CNOT6: variants seen among roughly 807,000 people sequenced by gnomAD.
The protein encoded by CNOT6 is carbon catabolite repression 4 protein.
CNOT6 carries 12 observed loss-of-function variants against 61.2 expected under a neutral mutation model. That is an observed-to-expected ratio of 0.20 (90% CI 0.13 to 0.32). The LOEUF (loss-of-function observed/expected upper bound fraction) is 0.32. CNOT6 is among the 10% of genes least tolerant of loss of function. The pLI is 1.00. For synonymous variants in CNOT6, 225 were observed against 240.6 expected, an observed-to-expected ratio of 0.94 and a Z score of 0.60; for missense variants, 405 against 663.9, an observed-to-expected ratio of 0.61 and a Z score of 4.28.
At chr5:180,538,686 GTATATA>G (rs59342527) in intron 2 of CNOT6, among the ~76,000 whole-genome samples, 1,275 of 85,132 alleles carry the variant, frequency 0.015, 26 homozygotes, top group African/African-American at 0.04. Flanking sequence ...TGAGAAAAAG[GTATATA>G]TATATATATA....
chr5:180,563,106 T>A (rs1210017662), intron 4 of CNOT6, among the ~76,000 whole-genome samples: 8 of 152,360 alleles, frequency 5.3e-5, no homozygotes, highest in Non-Finnish European at 1.0e-4. Context: ...TTCCCATCCA[T>A]GCAACTCAGC....
chr5:180,547,765 A>C (rs1347490374), intron 2 of CNOT6, among the ~76,000 whole-genome samples: 1 of 151,868 alleles, frequency 6.6e-6, no homozygotes, highest in Admixed American at 6.6e-5. Flanking sequence ...CTGGAGTCTC[A>C]CTCTGTCGCC....
At chr5:180,561,727 G>A (rs572667618) in intron 4 of CNOT6, among the ~76,000 whole-genome samples, 3 of 152,272 alleles carry the variant, frequency 2.0e-5, no homozygotes, top group Non-Finnish European at 2.9e-5. Context: ...GGGGCTCCTC[G>A]TTGCTTCTGG....
In CNOT6 at chr5:180,506,154, G is replaced by T. The variant is rs555562533; in HGVS notation, c.-3+11391G>T. On this transcript the variant is annotated intron_variant, in intron 1 of 11. Coordinates refer to ENST00000261951, the MANE Select transcript of CNOT6 (RefSeq NM_001370472.1). ...GTTCAAATCCCAGCTCTACAATTCA[G>T]TTACTAAGTGTGCAATCTTGGGTAA... Among the ~76,000 whole-genome samples, 11 of 152,306 alleles carry T rather than the reference G, an allele frequency of 7.2e-5. No individual in the cohort carries two copies. In the South Asian group the frequency reaches 2.3e-3, roughly 32 times the overall value.
chr5:180,537,361 C>T (rs1038818481), intron 2 of CNOT6, among the ~76,000 whole-genome samples: 7 of 152,116 alleles, frequency 4.6e-5, no homozygotes, highest in Admixed American at 2.6e-4. Context: ...TTTTAATTTG[C>T]GGTTCTCTAA....
At chr5:180,545,670 C>G (rs1178413106) in intron 2 of CNOT6, among the ~76,000 whole-genome samples, 1 of 152,152 alleles carries the variant, frequency 6.6e-6, no homozygotes, top group Non-Finnish European at 1.5e-5. Context: ...ACAAATAAAG[C>G]TGCCGTGAAC....
Position 180,565,992 on chromosome 5 carries a change from A to G in CNOT6, c.717+15A>G, listed in dbSNP as rs1457771955. On this transcript the variant is annotated intron_variant, in intron 7 of 11. Coordinates refer to ENST00000261951, the MANE Select transcript of CNOT6 (RefSeq NM_001370472.1). ...TAAGTCTTCAGGTAAGTCAGACAGA[A>G]GACAGTCAACCTAGCATTGATAAAG... 1 of 1,607,112 alleles carries G rather than the reference A, an allele frequency of 6.2e-7. No individual in the cohort carries two copies. Among genetic ancestry groups the G allele is most frequent in the Non-Finnish European group, 8.5e-7 (1 of 1,175,898 alleles).
intron 1 of CNOT6, among the ~76,000 whole-genome samples, chr5:180,514,427 A>G (rs140707152): frequency 2.6e-5 from 4 of 152,308 alleles, no homozygotes; most frequent in African/African-American, 9.6e-5. Context: ...ATCTTCTTCA[A>G]GTCTGCTTCA....
At chr5:180,511,822 C>T (rs1037139083) in intron 1 of CNOT6, among the ~76,000 whole-genome samples, 27 of 152,138 alleles carry the variant, frequency 1.8e-4, no homozygotes, top group Admixed American at 3.3e-4. Flanking sequence ...GGTTCTCTCT[C>T]TGTTGCCCAG....
chr5:180,548,793 G>C (rs954529445), intron 2 of CNOT6, among the ~76,000 whole-genome samples: 1 of 152,130 alleles, frequency 6.6e-6, no homozygotes, highest in Non-Finnish European at 1.5e-5. Flanking sequence ...TCTCAAGGTC[G>C]CGTTTTCTTC....
intron 3 of CNOT6, among the ~76,000 whole-genome samples, chr5:180,552,402 G>A (rs1759654026): frequency 6.6e-6 from 1 of 151,930 alleles, no homozygotes; most frequent in Non-Finnish European, 1.5e-5. Context: ...CACACTTTGG[G>A]AGGCCGAGGC....
At position 180,494,458 on chromosome 5, in the gene CNOT6, C is replaced by G. The variant is rs530418723; in HGVS notation, c.-308C>G. 6.4e-6 allele frequency: 1 copy of G among 155,244 alleles called. No individual in the cohort carries two copies. Among genetic ancestry groups the G allele is most frequent in the Non-Finnish European group, 1.4e-5 (1 of 70,842 alleles). 9.6% of individuals were successfully genotyped at this position (155,244 alleles called of 1,614,324 possible). ...GGCGCGGAGGAGGAGGCGGCGGCGT[C>G]GGTGGCGGCGGCGACGGCGGCGCGG... is the stretch of plus-strand genomic sequence containing the variant. On this transcript the variant is annotated 5_prime_UTR_variant, in exon 1 of 12. Coordinates refer to ENST00000261951, the MANE Select transcript of CNOT6 (RefSeq NM_001370472.1).
At position 180,503,262 on chromosome 5, in the gene CNOT6, CT is replaced by C. The variant is rs66503357; in HGVS notation, c.-3+8516del. ...AGGTCTGACTCTAGTTTGTATTTTT[CT>C]TTTTTTTTTTTTTTTTGAGATGGAG... is the stretch of plus-strand genomic sequence containing the variant. On this transcript the variant is annotated intron_variant, in intron 1 of 11. Transcript: ENST00000261951. Among the ~76,000 whole-genome samples the C allele has an allele frequency of 2.0e-3, 272 of 133,782 alleles. 1 individual carries two copies. Among genetic ancestry groups the C allele is most frequent in the East Asian group, 3.9e-3 (18 of 4,638 alleles). 87.8% of individuals were successfully genotyped at this position (133,782 alleles called of 152,430 possible). A position where few individuals can be genotyped will look rare whatever the true frequency, so the allele number is the denominator to read the frequency against.
chr5:180,562,715 G>A (rs1760249315), intron 4 of CNOT6, among the ~76,000 whole-genome samples: 1 of 152,074 alleles, frequency 6.6e-6, no homozygotes, highest in South Asian at 2.1e-4. Context: ...ACTCCAGCCT[G>A]GGCAACAGAG....
intron 1 of CNOT6, among the ~76,000 whole-genome samples, chr5:180,511,923 C>T (rs750177546): frequency 6.6e-6 from 1 of 152,228 alleles, no homozygotes; most frequent in Non-Finnish European, 1.5e-5. Flanking sequence ...CTCCTGGCTC[C>T]ATTTTTAACA....
chr5:180,544,660 A>G lies in CNOT6; in HGVS notation c.113-5271A>G, dbSNP rs113023869. The stretch of plus-strand genomic sequence containing the variant: ...GAATTATGATCACCCTGTATGGGAA[A>G]AGGAGCTATACAAATTGGCAGGCTT... On this transcript the variant is annotated intron_variant, in intron 2 of 11. Coordinates refer to ENST00000261951, the MANE Select transcript of CNOT6 (RefSeq NM_001370472.1). Among the ~76,000 whole-genome samples, 18 of 152,340 alleles carry G rather than the reference A, an allele frequency of 1.2e-4. 2 individuals carry two copies. The highest frequency in any genetic ancestry group is 4.3e-4 in the African/African-American group (18 of 41,578).
intron 2 of CNOT6, among the ~76,000 whole-genome samples, chr5:180,535,583 C>A (rs1339240977): frequency 6.6e-6 from 1 of 152,098 alleles, no homozygotes; most frequent in African/African-American, 2.4e-5. Context: ...AGGTTGAGGC[C>A]GTATCTTTGC....
At chr5:180,556,036 C>A (rs912222812) in intron 4 of CNOT6, among the ~76,000 whole-genome samples, 2 of 152,136 alleles carry the variant, frequency 1.3e-5, no homozygotes, top group Admixed American at 6.5e-5. Flanking sequence ...CATGCACTTA[C>A]AAGAAATAAT....
Position 180,567,929 on chromosome 5 carries a change from ACAGAGT to A in CNOT6, c.956_961del (p.Arg319_Val320del). ...TCTGAGGGGTCTGAAGCTATGCTGA[ACAGAGT>A]CATGACAAAAGATAACATTGGGGTT... On this transcript the variant is annotated inframe_deletion, in exon 9 of 12. Transcript: ENST00000261951. 6.2e-7 allele frequency: 1 copy of A among 1,614,178 alleles called. No homozygotes were observed. Among genetic ancestry groups the A allele is most frequent in the Non-Finnish European group, 8.5e-7 (1 of 1,180,018 alleles).
Sources: gnomAD v4.1 joint callset for allele counts (sites outside exome capture counted in the v4.1 genomes callset) on GRCh38, gnomAD v4.1.1 for gene constraint, MANE v1.5 for transcripts, NCBI Gene and HGNC (gene_info 2026-07-23, HGNC 2026-07-21) for gene names.